MINDY2: variants seen among roughly 807,000 people sequenced by gnomAD.
The protein encoded by MINDY2 is MINDY lysine 48 deubiquitinase 2.
In MINDY2, 52 loss-of-function variants were observed where a neutral mutation model predicts 68.2. The ratio of observed to expected loss-of-function variants is 0.76; its 90% CI spans 0.61 to 0.96. MINDY2 has a LOEUF of 0.96. MINDY2 is among the 40% of genes least tolerant of loss of function. MINDY2 has a pLI of 0.00. For synonymous variants in MINDY2, 372 were observed against 303.0 expected (o/e 1.23, Z -2.36); for missense variants, 881 against 773.4 (o/e 1.14, Z -1.65).
chr15:58,851,909 T>C lies in MINDY2; in HGVS notation c.1681T>C (p.Tyr561His), dbSNP rs1171054273. 6.2e-7 allele frequency: 1 copy of C among 1,608,798 alleles called. No homozygotes were observed. Among genetic ancestry groups the C allele is most frequent in the Non-Finnish European group, 8.5e-7 (1 of 1,178,838 alleles). ...AGAGGACAGACGGGCTTCTCAATAC[T>C]ATCAGGAACAGGAACAAGCAGCAGC... ...EEEDRRASQY[Y>H]QEQEQAAAAA... Residue 561 changes from tyrosine (Y) to histidine (H), a missense_variant, in exon 8 of 9, where the codon TAT becomes CAT. Physicochemically the swap from Tyr to His is moderately conservative, Grantham distance 83 (BLOSUM62 2). Transcript: ENST00000559228.
intron 4 of MINDY2, among the ~76,000 whole-genome samples, chr15:58,818,697 A>C (rs186190316): frequency 2.1e-5 from 3 of 141,986 alleles, no homozygotes; most frequent in African/African-American, 8.0e-5. Context: ...CTTGCTACCC[A>C]GGTGTGATCT....
chr15:58,789,027 T>A (rs1225444759), intron 2 of MINDY2, among the ~76,000 whole-genome samples: 1 of 148,198 alleles, frequency 6.7e-6, no homozygotes, highest in African/African-American at 2.5e-5. Flanking sequence ...CAAAAACATA[T>A]TTTATTTTTA....
chr15:58,788,779 G>A (rs1901678834), intron 2 of MINDY2, among the ~76,000 whole-genome samples: 1 of 152,132 alleles, frequency 6.6e-6, no homozygotes, highest in African/African-American at 2.4e-5. Flanking sequence ...GGAGGTCAAG[G>A]CAGGCAGATC....
intron 5 of MINDY2, among the ~76,000 whole-genome samples, chr15:58,830,994 G>A (rs1037070704): frequency 2.1e-5 from 3 of 146,322 alleles, no homozygotes; most frequent in African/African-American, 5.2e-5. Context: ...AATGAGGATC[G>A]ATTGTGTATA....
chr15:58,826,788 A>T (rs1417731272), intron 5 of MINDY2, among the ~76,000 whole-genome samples: 6 of 152,024 alleles, frequency 3.9e-5, no homozygotes, highest in Admixed American at 3.9e-4. Flanking sequence ...CCAATTATGG[A>T]TCATTTAGTT....
In MINDY2 at chr15:58,851,932, AGCT is replaced by A. The variant is rs746926052; in HGVS notation, c.1720_1722del (p.Ala574del). 165 of 1,586,838 alleles carry A rather than the reference AGCT, an allele frequency of 1.0e-4. No individual in the cohort carries two copies. The highest frequency in any genetic ancestry group is 5.7e-4 in the Admixed American group (30 of 52,318). ...ACTATCAGGAACAGGAACAAGCAGC[AGCT>A]GCTGCTGCTGCTGCTTCTACACAGG... On this transcript the variant is annotated inframe_deletion, in exon 8 of 9. Transcript: ENST00000559228.
intron 1 of MINDY2, among the ~76,000 whole-genome samples, chr15:58,787,010 A>G (rs1237147944): frequency 6.6e-6 from 1 of 152,046 alleles, no homozygotes; most frequent in Non-Finnish European, 1.5e-5. Context: ...TTGTAGTTTT[A>G]GTAGAGGCAG....
At position 58,851,805 on chromosome 15, in the gene MINDY2, A is replaced by T; in HGVS notation, c.1577A>T (p.Gln526Leu). Residue 526 changes from glutamine to leucine, a missense_variant, in exon 8 of 9, where the codon CAG becomes CTG. Physicochemically the swap from Gln to Leu is moderately radical, Grantham distance 113. Transcript: ENST00000559228. ...YLMALSLQQE[Q>L]QSQEINWEQI... Reference sequence around the variant, plus strand: ...ATGGCATTATCTCTACAACAAGAACAGCAGAGCCAAGAGATCAATTGGGAA... The same window carrying T: ...ATGGCATTATCTCTACAACAAGAACTGCAGAGCCAAGAGATCAATTGGGAA... 6.2e-7 allele frequency: 1 copy of T among 1,601,166 alleles called. No individual in the cohort carries two copies. The highest frequency in any genetic ancestry group is 8.5e-7 in the Non-Finnish European group (1 of 1,176,660).
intron 1 of MINDY2, among the ~76,000 whole-genome samples, chr15:58,783,260 C>G (rs1335421227): frequency 3.3e-5 from 5 of 152,082 alleles, no homozygotes; most frequent in Non-Finnish European, 7.4e-5. Context: ...CTGGCAAATA[C>G]TCAATTTTAT....
intron 1 of MINDY2, among the ~76,000 whole-genome samples, chr15:58,778,377 A>G (rs1004646881): frequency 5.3e-5 from 8 of 152,106 alleles, no homozygotes; most frequent in Admixed American, 3.9e-4. Flanking sequence ...AGCTGAGATT[A>G]TCTCCTGTTC....
intron 2 of MINDY2, among the ~76,000 whole-genome samples, chr15:58,793,667 TTAGA>T (rs1457137826): frequency 2.6e-5 from 4 of 152,044 alleles, no homozygotes; most frequent in African/African-American, 9.7e-5. Context: ...AAAATTAGCC[TTAGA>T]TAGTTCATCC....
rs1362640039 is a variant in MINDY2 at position 58,858,005 on chromosome 15, G to A, written c.*3395G>A. ...ACTTAAAAGTACTTTACATATGTGT[G>A]TTTCTGAAGCAAGTTTTCATGACCT... On this transcript the variant is annotated 3_prime_UTR_variant, in exon 9 of 9. Transcript: ENST00000559228. The A allele has an allele frequency of 6.6e-6, 1 of 152,146 alleles. No homozygotes were observed. Among genetic ancestry groups the A allele is most frequent in the Non-Finnish European group, 1.5e-5 (1 of 68,020 alleles). The allele number at this position is 152,146 out of a possible 1,614,324, so 9.4% of individuals were successfully genotyped here. A position where few individuals can be genotyped will look rare whatever the true frequency, so the allele number is the denominator to read the frequency against.
At chr15:58,847,982 A>G (rs530228970) in intron 7 of MINDY2, among the ~76,000 whole-genome samples, 102 of 152,310 alleles carry the variant, frequency 6.7e-4, no homozygotes, top group Non-Finnish European at 8.8e-4. Flanking sequence ...TGGATATTCT[A>G]AACCTTAGAG....
rs142041285 is a variant in MINDY2, at chr15:58,838,136, G to A, written c.1368+6220G>A. On this transcript the variant is annotated intron_variant, in intron 6 of 8. Transcript: ENST00000559228. The stretch of plus-strand genomic sequence containing the variant: ...GGCCAGGTGTGGTGTGGTGGTTCAC[G>A]CCTGTAATCCCAGCACTTTAGGAGG... Among the ~76,000 whole-genome samples the A allele has an allele frequency of 7.8e-4, 118 of 151,986 alleles. 1 individual carries two copies. The highest frequency in any genetic ancestry group is 1.2e-3 in the South Asian group (6 of 4,816).
chr15:58,791,931 C>T (rs576150493), intron 2 of MINDY2, among the ~76,000 whole-genome samples: 49 of 151,942 alleles, frequency 3.2e-4, no homozygotes, highest in African/African-American at 1.1e-3. Flanking sequence ...AGAGCCGGCA[C>T]GGTCAGCCAG....
At chr15:58,798,916 A>G (rs1902457927) in intron 2 of MINDY2, among the ~76,000 whole-genome samples, 1 of 152,194 alleles carries the variant, frequency 6.6e-6, no homozygotes, top group Non-Finnish European at 1.5e-5. Flanking sequence ...GGTATGTTAA[A>G]TTTATCTAAC....
intron 5 of MINDY2, among the ~76,000 whole-genome samples, chr15:58,831,037 G>GTATATATATATATATA (rs549317915): frequency 9.1e-5 from 10 of 110,394 alleles, no homozygotes; most frequent in African/African-American, 4.1e-4. Flanking sequence ...GTGTGTGTGT[G>GTATATATATATATATA]TGTGTATATA....
chr15:58,851,254 G>A (rs926078029), intron 7 of MINDY2, among the ~76,000 whole-genome samples: 8 of 152,144 alleles, frequency 5.3e-5, no homozygotes, highest in Admixed American at 1.3e-4. Flanking sequence ...GATTATAGGC[G>A]TGAGCCACCG....
At position 58,772,038 on chromosome 15, in the gene MINDY2, G is replaced by C. The variant is rs761926720; in HGVS notation, c.643G>C (p.Val215Leu). 8 of 1,605,648 alleles carry C rather than the reference G, an allele frequency of 5.0e-6. No homozygotes were observed. The South Asian group carries it at 8.9e-5, about 18-fold the overall frequency. ...EEGAAVLPGAVPLCKEEEGEE... is the reference protein window; with the variant it reads ...EEGAAVLPGALPLCKEEEGEE... ...GGGCGCGGCGGTGTTGCCCGGGGCTGTTCCTCTGTGCAAGGAGGAGGAGGG... is the reference window on the plus strand; with the variant it reads ...GGGCGCGGCGGTGTTGCCCGGGGCTCTTCCTCTGTGCAAGGAGGAGGAGGG... Residue 215 changes from valine (V) to leucine (L), a missense_variant, in exon 1 of 9, where the codon GTT becomes CTT. Coordinates refer to ENST00000559228, the MANE Select transcript of MINDY2 (RefSeq NM_001040450.3).
Sources: allele counts gnomAD v4.1 joint callset (sites outside exome capture counted in the v4.1 genomes callset), GRCh38; gene constraint gnomAD v4.1.1; transcripts MANE v1.5; gene names NCBI Gene and HGNC (gene_info 2026-07-23, HGNC 2026-07-21).